PDS5A: variants seen among roughly 807,000 people sequenced by gnomAD.
The protein encoded by PDS5A is sister chromatid cohesion protein PDS5 homolog A.
A neutral mutation model predicts 167.1 loss-of-function variants in PDS5A; 42 were observed. That is an observed-to-expected ratio of 0.25 (90% confidence interval 0.20 to 0.33). The LOEUF (loss-of-function observed/expected upper bound fraction) is 0.33, where lower values mean the gene tolerates loss of function less well. Among genes scored for constraint, PDS5A ranks in the 10% least tolerant of loss-of-function variants. The probability of loss-of-function intolerance (pLI) is 1.00; values close to 1 mark genes in which losing one functional copy is unlikely to be tolerated. For synonymous variants in PDS5A, 553 were observed against 554.6 expected (o/e 1.00, Z 0.04); for missense variants, 1,033 against 1,605.9 (o/e 0.64, Z 6.10).
chr4:39,891,508 C>CT lies in PDS5A; in HGVS notation c.1771-1145dup, dbSNP rs565102505. On this transcript the variant is annotated intron_variant, in intron 16 of 32. Coordinates refer to ENST00000303538, the MANE Select transcript of PDS5A (RefSeq NM_001100399.2). ...TATTAAAAATACAAAATCAGCCGGG[C>CT]TTGGTGGCGCATGCCTGTAATCCCA... 1.3e-3 allele frequency among the ~76,000 whole-genome samples: 195 copies of CT among 151,804 alleles called. 1 individual carries two copies. The highest frequency in any genetic ancestry group is 4.3e-3 in the African/African-American group (179 of 41,462).
intron 2 of PDS5A, among the ~76,000 whole-genome samples, chr4:39,966,496 G>C (rs1320043377): frequency 6.6e-6 from 1 of 152,168 alleles, no homozygotes; most frequent in African/African-American, 2.4e-5. Context: ...CAGGAAGAAA[G>C]ATTAGAGAAA....
chr4:39,854,174 A>T (rs995278645), intron 26 of PDS5A, among the ~76,000 whole-genome samples: 3 of 152,156 alleles, frequency 2.0e-5, no homozygotes, highest in African/African-American at 7.2e-5. Context: ...ATCGTGGTGC[A>T]TGCCTGTAGT....
At position 39,950,681 on chromosome 4, in the gene PDS5A, G is replaced by A. The variant is rs1326305260; in HGVS notation, c.139-22517C>T. Among the ~76,000 whole-genome samples, 4 of 152,218 alleles carry A rather than the reference G, an allele frequency of 2.6e-5. 1 individual carries two copies. Among genetic ancestry groups the A allele is most frequent in the Admixed American group, 2.6e-4 (4 of 15,270 alleles). On this transcript the variant is annotated intron_variant, in intron 2 of 32. Transcript: ENST00000303538. ...CTCACTGCAACCTCTACCAGGTCAT[G>A]GGTTCAAAAGATTCTCCTGCCTCAG...
intron 2 of PDS5A, among the ~76,000 whole-genome samples, chr4:39,975,517 A>C (rs555917660): frequency 3.3e-4 from 51 of 152,284 alleles, no homozygotes; most frequent in Non-Finnish European, 7.2e-4. Context: ...CTAACTCTGA[A>C]AAGTTGTTAA....
intron 21 of PDS5A, among the ~76,000 whole-genome samples, chr4:39,872,013 A>C (rs1385054488): frequency 6.6e-6 from 1 of 151,822 alleles, no homozygotes; most frequent in Non-Finnish European, 1.5e-5. Flanking sequence ...GCCAGTAGTG[A>C]CTCTTAATCA....
At chr4:39,951,041 A>G (rs919667960) in intron 2 of PDS5A, among the ~76,000 whole-genome samples, 1 of 152,052 alleles carries the variant, frequency 6.6e-6, no homozygotes, top group African/African-American at 2.4e-5. Flanking sequence ...AGCTGGGACT[A>G]CAGGAATGCA....
At chr4:39,878,471 C>G (rs1720660451) in intron 18 of PDS5A, among the ~76,000 whole-genome samples, 1 of 151,842 alleles carries the variant, frequency 6.6e-6, no homozygotes, top group African/African-American at 2.4e-5. Context: ...GTGGCGGGAG[C>G]CTGTAGTCCC....
chr4:39,960,713 G>A (rs996011143), intron 2 of PDS5A, among the ~76,000 whole-genome samples: 3 of 149,772 alleles, frequency 2.0e-5, no homozygotes, highest in African/African-American at 4.9e-5. Flanking sequence ...TTTTTTTAAC[G>A]GAGTCTCACT....
intron 2 of PDS5A, among the ~76,000 whole-genome samples, chr4:39,971,752 G>C (rs576925943): frequency 6.6e-6 from 1 of 152,130 alleles, no homozygotes; most frequent in Non-Finnish European, 1.5e-5. Context: ...GAGCCCCTGC[G>C]TCCGGGCTTA....
chr4:39,873,976 C>T (rs567038985), intron 20 of PDS5A, among the ~76,000 whole-genome samples: 8 of 152,222 alleles, frequency 5.3e-5, no homozygotes, highest in East Asian at 1.9e-4. Flanking sequence ...CCTAGGAATT[C>T]GGGGCTGCAG....
intron 3 of PDS5A, 66 bp from the exon 4 acceptor site, chr4:39,926,927 T>C: frequency 8.1e-7 from 1 of 1,232,032 alleles, no homozygotes; most frequent in East Asian, 3.1e-5. Context: ...ACTAATAGTA[T>C]GTAACTTTAT....
intron 2 of PDS5A, among the ~76,000 whole-genome samples, chr4:39,930,247 G>GTTGTTTT (rs1725915235): frequency 1.6e-5 from 1 of 61,952 alleles, no homozygotes; most frequent in East Asian, 6.2e-4. Flanking sequence ...AAAAAAAAAA[G>GTTGTTTT]TTTTTTTGTT....
intron 2 of PDS5A, among the ~76,000 whole-genome samples, chr4:39,967,768 G>A (rs1730121975): frequency 2.6e-5 from 4 of 151,002 alleles, no homozygotes; most frequent in South Asian, 2.1e-4. Context: ...GACCAGCCTG[G>A]CCAACATGGT....
chr4:39,930,855 T>C (rs1005804555), intron 2 of PDS5A, among the ~76,000 whole-genome samples: 11 of 152,320 alleles, frequency 7.2e-5, no homozygotes, highest in African/African-American at 2.6e-4. Context: ...AATGTAAATA[T>C]GAACTACCAA....
intron 17 of PDS5A, among the ~76,000 whole-genome samples, chr4:39,889,400 T>C (rs538978872): frequency 6.6e-6 from 1 of 152,234 alleles, no homozygotes. Flanking sequence ...CCCTAGCAAA[T>C]GAATATAATC....
At chr4:39,861,255 G>C (rs959158543) in intron 26 of PDS5A, among the ~76,000 whole-genome samples, 2 of 151,544 alleles carry the variant, frequency 1.3e-5, no homozygotes, top group Non-Finnish European at 2.9e-5. Context: ...GGTCAGGAGA[G>C]CAGCCTGGCC....
Position 39,944,087 on chromosome 4 carries a change from A to G in PDS5A, c.139-15923T>C, listed in dbSNP as rs545191992. On this transcript the variant is annotated intron_variant, in intron 2 of 32. Transcript: ENST00000303538. ...CAGCTACTCAGGAGGCTGAGGCAAG[A>G]GAATGGCGTGAACCCAGGAAGGCGG... Among the ~76,000 whole-genome samples, 3 of 150,064 alleles carry G rather than the reference A, an allele frequency of 2.0e-5. No individual in the cohort carries two copies. The South Asian group carries it at 6.4e-4, about 32-fold the overall frequency.
intron 18 of PDS5A, 99 bp downstream of exon 18, chr4:39,879,629 T>C (rs1578657511): frequency 3.2e-6 from 2 of 617,962 alleles, no homozygotes; most frequent in East Asian, 2.6e-5. Context: ...ATCTTTCAAA[T>C]AGTTTCCTGT....
chr4:39,833,415 T>C (rs976984390), intron 32 of PDS5A, among the ~76,000 whole-genome samples: 1 of 152,024 alleles, frequency 6.6e-6, no homozygotes, highest in Non-Finnish European at 1.5e-5. Flanking sequence ...CAGGGTCTCC[T>C]CGGTCACCCA....
Sources: allele counts gnomAD v4.1 joint callset (sites outside exome capture counted in the v4.1 genomes callset), GRCh38; gene constraint gnomAD v4.1.1; transcripts MANE v1.5; gene names NCBI Gene and HGNC (gene_info 2026-07-23, HGNC 2026-07-21).